LRRC63: variants seen among roughly 807,000 people sequenced by gnomAD.
The protein encoded by LRRC63 is leucine-rich repeat-containing protein 63.
In LRRC63, 40 loss-of-function variants were observed where a neutral mutation model predicts 49.5. That is an observed-to-expected ratio of 0.81 (90% CI 0.63 to 1.05). The LOEUF (loss-of-function observed/expected upper bound fraction) is 1.05, where lower values mean the gene tolerates loss of function less well. Among genes scored for constraint, LRRC63 ranks in the 50% least tolerant of loss-of-function variants. The pLI is 0.00. For missense variants in LRRC63, 636 were observed against 663.1 expected (o/e 0.96, Z 0.45); for synonymous variants, 191 against 221.1 (o/e 0.86, Z 1.21).
At chr13:46,241,937 A>G (rs1002044308) in intron 5 of LRRC63, among the ~76,000 whole-genome samples, 1 of 152,238 alleles carries the variant, frequency 6.6e-6, no homozygotes, top group Non-Finnish European at 1.5e-5. Flanking sequence ...TAAAAACAGA[A>G]ATATCATTTG....
intron 7 of LRRC63, 50 bp downstream of exon 7, chr13:46,250,541 C>T (rs554695933): frequency 3.4e-5 from 47 of 1,388,632 alleles, no homozygotes; most frequent in Admixed American, 1.9e-4. Context: ...TTCATAATTT[C>T]GAAAAAGATC....
intron 4 of LRRC63, among the ~76,000 whole-genome samples, chr13:46,229,503 C>T (rs2046681400): frequency 6.6e-6 from 1 of 152,084 alleles, no homozygotes; most frequent in Non-Finnish European, 1.5e-5. Context: ...GAATGGATTA[C>T]AAGTAGAATG....
At chr13:46,272,844 A>C (rs900792023) in intron 9 of LRRC63, among the ~76,000 whole-genome samples, 2 of 152,252 alleles carry the variant, frequency 1.3e-5, no homozygotes, top group Non-Finnish European at 2.9e-5. Flanking sequence ...TCCCACAGAC[A>C]CATACATACA....
At chr13:46,250,446 G>T in exon 7 of LRRC63, 1 of 1,537,472 alleles carries the variant, frequency 6.5e-7, no homozygotes, top group South Asian at 1.2e-5. Flanking sequence ...GAGTTCCTTA[G>T]AATTTTCACC....
chr13:46,250,445 A>G (rs1472632282), exon 7 of LRRC63: 4 of 1,537,804 alleles, frequency 2.6e-6, no homozygotes, highest in Non-Finnish European at 3.5e-6. Context: ...TGAGTTCCTT[A>G]GAATTTTCAC....
intron 2 of LRRC63, among the ~76,000 whole-genome samples, chr13:46,214,840 C>T (rs2046201316): frequency 1.3e-5 from 2 of 152,216 alleles, no homozygotes; most frequent in Admixed American, 6.5e-5. Context: ...TCAACTCCCA[C>T]TTACAAGTGA....
chr13:46,263,978 A>G (rs1032451701), intron 8 of LRRC63, among the ~76,000 whole-genome samples: 2 of 152,112 alleles, frequency 1.3e-5, no homozygotes, highest in East Asian at 1.9e-4. Context: ...TTTTCTCTGA[A>G]TCTTTAACCC....
chr13:46,276,625 T>C (rs1211129850), exon 10 of LRRC63: 3 of 1,230,872 alleles, frequency 2.4e-6, no homozygotes, highest in Non-Finnish European at 3.0e-6. Flanking sequence ...GGTCCCAAGT[T>C]TGGTGAAGGT....
At chr13:46,270,931 T>A (rs967780598) in intron 9 of LRRC63, among the ~76,000 whole-genome samples, 1 of 152,124 alleles carries the variant, frequency 6.6e-6, no homozygotes, top group African/African-American at 2.4e-5. Flanking sequence ...TCAAAGAAAA[T>A]TTAGAAAGTA....
intron 9 of LRRC63, among the ~76,000 whole-genome samples, chr13:46,268,516 A>G (rs2047712063): frequency 6.6e-6 from 1 of 151,962 alleles, no homozygotes; most frequent in Non-Finnish European, 1.5e-5. Context: ...AAAGACAAAG[A>G]TAAGAACCTA....
At chr13:46,261,626 C>G (rs2047615704) in intron 7 of LRRC63, among the ~76,000 whole-genome samples, 1 of 150,236 alleles carries the variant, frequency 6.7e-6, no homozygotes. Context: ...TGTTAGGAAA[C>G]TAATGCAACA....
intron 6 of LRRC63, among the ~76,000 whole-genome samples, chr13:46,249,555 A>G (rs1006602473): frequency 6.6e-6 from 1 of 151,900 alleles, no homozygotes; most frequent in African/African-American, 2.4e-5. Flanking sequence ...ACAAAGACAC[A>G]AGAAAGGTCT....
intron 3 of LRRC63, among the ~76,000 whole-genome samples, 153 bp downstream of exon 3, chr13:46,228,342 G>C (rs2046640593): frequency 6.6e-6 from 1 of 152,152 alleles, no homozygotes; most frequent in Admixed American, 6.5e-5. Context: ...TGAGCCATAG[G>C]GCAATAACAG....
chr13:46,273,457 C>T (rs545790724), intron 9 of LRRC63, among the ~76,000 whole-genome samples: 40 of 151,844 alleles, frequency 2.6e-4, no homozygotes, highest in African/African-American at 7.7e-4. Context: ...AAAAAATTAG[C>T]GGGGCGTGCT....
chr13:46,242,794 A>T (rs1594059707), intron 5 of LRRC63, among the ~76,000 whole-genome samples: 1 of 152,050 alleles, frequency 6.6e-6, no homozygotes, highest in South Asian at 2.1e-4. Context: ...CTCAACTGAG[A>T]CTACTATACC....
chr13:46,242,302 C>T (rs1377179549), intron 5 of LRRC63, among the ~76,000 whole-genome samples: 8 of 151,834 alleles, frequency 5.3e-5, no homozygotes, highest in Non-Finnish European at 1.2e-4. Context: ...CAATACACAC[C>T]GGATCCTATT....
At chr13:46,218,405 A>C (rs955625723) in intron 2 of LRRC63, among the ~76,000 whole-genome samples, 1 of 145,238 alleles carries the variant, frequency 6.9e-6, no homozygotes, top group Non-Finnish European at 1.5e-5. Context: ...TTTATCAGAG[A>C]CTGGGATTGC....
intron 9 of LRRC63, among the ~76,000 whole-genome samples, chr13:46,276,002 C>A (rs2047831157): frequency 6.6e-6 from 1 of 151,960 alleles, no homozygotes; most frequent in Admixed American, 6.6e-5. Flanking sequence ...GTTTTGTATT[C>A]CCCGATTACT....
At chr13:46,270,060 T>C in intron 9 of LRRC63, 1 of 564,838 alleles carries the variant, frequency 1.8e-6, no homozygotes, top group Non-Finnish European at 3.2e-6. Flanking sequence ...ATAGGGGTGG[T>C]GGCGCCTGAG....
Sources: gnomAD v4.1 joint callset for allele counts (sites outside exome capture counted in the v4.1 genomes callset) on GRCh38, gnomAD v4.1.1 for gene constraint, MANE v1.5 for transcripts, NCBI Gene and HGNC (gene_info 2026-07-23, HGNC 2026-07-21) for gene names.